Variants in SMPDL3A observed in about 807,000 individuals in gnomAD.
SMPDL3A encodes sphingomyelin phosphodiesterase acid like 3A, also known as cyclic GMP-AMP phosphodiesterase SMPDL3A.
In SMPDL3A, 39 loss-of-function variants were observed where a neutral mutation model predicts 38.5. The observed-to-expected ratio is 1.01, with a 90% CI of 0.78 to 1.32. The LOEUF is 1.32. Ranked by LOEUF, SMPDL3A falls within the 40% of genes most tolerant of loss-of-function variation. SMPDL3A has a pLI of 0.00. For synonymous variants in SMPDL3A, 180 were observed against 194.3 expected (o/e 0.93, Z 0.61); for missense variants, 502 against 536.2 (o/e 0.94, Z 0.63).
At chr6:122,796,590 A>G (rs895226431) in intron 2 of SMPDL3A, among the ~76,000 whole-genome samples, 4 of 152,184 alleles carry the variant, frequency 2.6e-5, no homozygotes, top group African/African-American at 9.7e-5. Flanking sequence ...TCAGTCAGGT[A>G]GTGAAATAGG....
chr6:122,807,132 C>A (rs1226224834), intron 7 of SMPDL3A, among the ~76,000 whole-genome samples: 1 of 151,564 alleles, frequency 6.6e-6, no homozygotes, highest in Non-Finnish European at 1.5e-5. Context: ...AACTCTTGGG[C>A]TCAAGTGATC....
In SMPDL3A at chr6:122,809,095, T is replaced by C; in HGVS notation, c.1049T>C (p.Met350Thr). 1 of 1,613,210 alleles carries C rather than the reference T, an allele frequency of 6.2e-7. No homozygotes were observed. The highest frequency in any genetic ancestry group is 8.5e-7 in the Non-Finnish European group (1 of 1,179,226). ...TGTTACTGTTCTTAACTGCAGGATATGTTGCAGTATTACTTGAATCTGACA... is the reference window on the plus strand; with the variant it reads ...TGTTACTGTTCTTAACTGCAGGATACGTTGCAGTATTACTTGAATCTGACA... ...YDPRDYKLLDMLQYYLNLTEA... is the reference protein window; with the variant it reads ...YDPRDYKLLDTLQYYLNLTEA... Residue 350 changes from methionine (M) to threonine (T), a missense_variant, in exon 8 of 8, where the codon ATG becomes ACG. Physicochemically the swap from Met to Thr is moderately conservative, Grantham distance 81 (BLOSUM62 -1). Coordinates refer to ENST00000368440, the MANE Select transcript of SMPDL3A (RefSeq NM_006714.5).
chr6:122,795,570 C>G (rs1387831314), intron 1 of SMPDL3A, 107 bp from the exon 2 acceptor site: 1 of 777,734 alleles, frequency 1.3e-6, no homozygotes, highest in East Asian at 2.7e-5. Context: ...CAAGGCTTTC[C>G]TCCATCACAG....
At chr6:122,804,870 A>G in intron 5 of SMPDL3A, 39 bp from the exon 6 acceptor site, 1 of 1,555,984 alleles carries the variant, frequency 6.4e-7, no homozygotes, top group South Asian at 1.3e-5. Flanking sequence ...GAATGTGCAG[A>G]AAGATTCTCA....
At chr6:122,790,373 G>T (rs1371675953) in intron 1 of SMPDL3A, among the ~76,000 whole-genome samples, 1 of 152,126 alleles carries the variant, frequency 6.6e-6, no homozygotes, top group African/African-American at 2.4e-5. Context: ...CGAGCCTCCA[G>T]TTCCAAAAAT....
At chr6:122,801,913 A>G (rs1310734165) in intron 4 of SMPDL3A, among the ~76,000 whole-genome samples, 2 of 152,194 alleles carry the variant, frequency 1.3e-5, no homozygotes. Flanking sequence ...CTCTTGACAC[A>G]TCATTATGTA....
chr6:122,803,731 G>GTA lies in SMPDL3A; in HGVS notation c.637_638dup (p.Tyr214ThrfsTer6), dbSNP rs1238981970. ...GGATCATCAGTCTAAACACAAACTT[G>GTA]TACTACGGCCCAAATATAATGACAC... is the stretch of plus-strand genomic sequence containing the variant. On this transcript the variant is annotated frameshift_variant, in exon 5 of 8. Coordinates refer to ENST00000368440, the MANE Select transcript of SMPDL3A (RefSeq NM_006714.5). LOFTEE classifies it high-confidence loss of function. The GTA allele has an allele frequency of 6.2e-7, 1 of 1,613,854 alleles. No homozygotes were observed. Among genetic ancestry groups the GTA allele is most frequent in the Admixed American group, 1.7e-5 (1 of 59,992 alleles).
Position 122,789,397 on chromosome 6 carries a change from C to A in SMPDL3A, c.51C>A (p.Cys17Ter). The A allele has an allele frequency of 6.5e-7, 1 of 1,549,298 alleles. No individual in the cohort carries two copies. Among genetic ancestry groups the A allele is most frequent in the Non-Finnish European group, 8.7e-7 (1 of 1,146,358 alleles). Residue 17 changes from cysteine (C) to a stop codon, truncating the protein, a stop_gained, in exon 1 of 8, where the codon TGC becomes TGA. Coordinates refer to ENST00000368440, the MANE Select transcript of SMPDL3A (RefSeq NM_006714.5). LOFTEE classifies it high-confidence loss of function. Reference sequence around the variant, plus strand: ...GCTGCCTGCTGACTGCCTGGCACTGCCGCTCCGGCCTCGGGCTGCCCGTGG... The same window carrying A: ...GCTGCCTGCTGACTGCCTGGCACTGACGCTCCGGCCTCGGGCTGCCCGTGG... ...LVCCLLTAWH[C>*]RSGLGLPVAP...
At chr6:122,789,743 C>G (rs900095593) in intron 1 of SMPDL3A, 1 of 807,944 alleles carries the variant, frequency 1.2e-6, no homozygotes, top group African/African-American at 1.9e-5. Context: ...GCCAGCCTGG[C>G]TTTTGTTTAC....
chr6:122,805,045 G>A lies in SMPDL3A; in HGVS notation c.875G>A (p.Gly292Glu), dbSNP rs747837850. The change falls in exon 6 of 8, where the codon GGA (glycine) becomes GAA (glutamate). Residue 292 changes from glycine (G) to glutamate (E), a missense_variant. Transcript: ENST00000368440. ...YSDVIAGQFY[G>E]HTHRDSIMVL... ...GATGTCATTGCAGGACAATTTTATG[G>A]ACACACTCACAGAGACAGCATTATG... The A allele has an allele frequency of 5.0e-6, 8 of 1,612,414 alleles. No homozygotes were observed. Among genetic ancestry groups the A allele is most frequent in the South Asian group, 1.1e-5 (1 of 90,446 alleles).
At chr6:122,802,327 G>A (rs1172431389) in intron 4 of SMPDL3A, among the ~76,000 whole-genome samples, 1 of 151,568 alleles carries the variant, frequency 6.6e-6, no homozygotes, top group African/African-American at 2.4e-5. Context: ...GCAGCCTCCT[G>A]AGTAGCTGGG....
rs193074867 is a variant in SMPDL3A, at chr6:122,808,981, A to C, written c.1045-110A>C. The C allele has an allele frequency of 4.0e-4, 353 of 874,766 alleles. 3 individuals carry two copies. The East Asian group carries it at 7.0e-3, about 17-fold the overall frequency. 54.2% of individuals were successfully genotyped at this position (874,766 alleles called of 1,614,324 possible). A position where few individuals can be genotyped will look rare whatever the true frequency, so the allele number is the denominator to read the frequency against. On this transcript the variant is annotated intron_variant, in intron 7 of 7. Coordinates refer to ENST00000368440, the MANE Select transcript of SMPDL3A (RefSeq NM_006714.5). Reference sequence around the variant, plus strand: ...AGTGCTAGGATTACAGGCGTGAGCCACAGCGCCAAGCCTAAAATGTCACAG... The same window carrying C: ...AGTGCTAGGATTACAGGCGTGAGCCCCAGCGCCAAGCCTAAAATGTCACAG...
At chr6:122,792,637 C>T (rs1226994656) in intron 1 of SMPDL3A, among the ~76,000 whole-genome samples, 5 of 145,602 alleles carry the variant, frequency 3.4e-5, no homozygotes, top group Non-Finnish European at 4.6e-5. Context: ...TTCTTCTTCC[C>T]CTTTTTTTTT....
rs1781265267 is a variant in SMPDL3A at position 122,796,867 on chromosome 6, A to G, written c.370A>G (p.Thr124Ala). 1.9e-6 allele frequency: 3 copies of G among 1,612,764 alleles called. No individual in the cohort carries two copies. The highest frequency in any genetic ancestry group is 1.1e-5 in the South Asian group (1 of 90,988). Residue 124 changes from threonine to alanine, a missense_variant, in exon 3 of 8, where the codon ACT becomes GCT. By Grantham distance (58) the Thr-to-Ala change is moderately conservative (BLOSUM62 0). Coordinates refer to ENST00000368440, the MANE Select transcript of SMPDL3A (RefSeq NM_006714.5). ...HVPVPELSTD[T>A]VINVITNMTT... ...TCCTGTACCTGAACTCTCAACAGACACTGTTATAAATGTGATCACTAATAT... is the reference window on the plus strand; with the variant it reads ...TCCTGTACCTGAACTCTCAACAGACGCTGTTATAAATGTGATCACTAATAT...
At chr6:122,794,361 G>T (rs1781172216) in intron 1 of SMPDL3A, among the ~76,000 whole-genome samples, 1 of 152,150 alleles carries the variant, frequency 6.6e-6, no homozygotes. Context: ...ACTTTAGGAG[G>T]CTGGGGCGGG....
At chr6:122,789,552 C>T in intron 1 of SMPDL3A, 94 bp downstream of exon 1, 2 of 1,151,912 alleles carry the variant, frequency 1.7e-6, no homozygotes, top group Non-Finnish European at 1.3e-6. Flanking sequence ...GGGGCAGCTG[C>T]CCCCGGCAGA....
chr6:122,801,415 A>G lies in SMPDL3A; in HGVS notation c.568+9A>G, dbSNP rs1007790196. 1.3e-6 allele frequency: 2 copies of G among 1,550,952 alleles called. No homozygotes were observed. Among genetic ancestry groups the G allele is most frequent in the Non-Finnish European group, 1.8e-6 (2 of 1,123,044 alleles). Reference sequence around the variant, plus strand: ...TAGTACTTTAAGGAAAGGTAAGTGAAAGACTTAGTTATTCCTATTTTGCCT... The same window carrying G: ...TAGTACTTTAAGGAAAGGTAAGTGAGAGACTTAGTTATTCCTATTTTGCCT... On this transcript the variant is annotated intron_variant, in intron 4 of 7. Transcript: ENST00000368440.
chr6:122,802,413 G>A (rs1424373366), intron 4 of SMPDL3A, among the ~76,000 whole-genome samples: 1 of 152,000 alleles, frequency 6.6e-6, no homozygotes, highest in African/African-American at 2.4e-5. Flanking sequence ...TGTTGGTCAG[G>A]CTGGTCTCGG....
At position 122,809,511 on chromosome 6, in the gene SMPDL3A, C is replaced by A. The variant is rs1173202705; in HGVS notation, c.*103C>A. 3.7e-5 allele frequency: 29 copies of A among 782,706 alleles called. No homozygotes were observed. In the East Asian group the frequency reaches 7.6e-4, roughly 21 times the overall value. The allele number at this position is 782,706 out of a possible 1,614,324, so 48.5% of individuals were successfully genotyped here. A position where few individuals can be genotyped will look rare whatever the true frequency, so the allele number is the denominator to read the frequency against. ...GTTAATTACTGAGTGGGCAAGTAGA[C>A]TTCCTGTCTTTGCTTTCTTTTTTTT... On this transcript the variant is annotated 3_prime_UTR_variant, in exon 8 of 8. Coordinates refer to ENST00000368440, the MANE Select transcript of SMPDL3A (RefSeq NM_006714.5).
Sources: allele counts gnomAD v4.1 joint callset (sites outside exome capture counted in the v4.1 genomes callset), GRCh38; gene constraint gnomAD v4.1.1; transcripts MANE v1.5; gene names NCBI Gene and HGNC (gene_info 2026-07-23, HGNC 2026-07-21).